The following NCK1 variants were observed in gnomAD, a reference collection of about 807,000 sequenced individuals.
NCK1 encodes the protein SH2/SH3 adapter protein NCK1.
NCK1 carries 19 observed loss-of-function variants against 36.6 expected under a neutral mutation model. The ratio of observed to expected loss-of-function variants is 0.52; its 90% CI spans 0.36 to 0.76. The LOEUF (loss-of-function observed/expected upper bound fraction) is 0.76. NCK1 is among the 30% of genes least tolerant of loss of function. The pLI, the probability that NCK1 is intolerant of heterozygous loss-of-function variation, is 0.00. For missense variants in NCK1, 358 were observed against 445.6 expected, an observed-to-expected ratio of 0.80 and a Z score of 1.77; for synonymous variants, 165 against 156.0, an observed-to-expected ratio of 1.06 and a Z score of -0.43.
chr3:136,944,339 C>G (rs889773953), intron 2 of NCK1, among the ~76,000 whole-genome samples: 3 of 151,708 alleles, frequency 2.0e-5, no homozygotes, highest in Non-Finnish European at 4.4e-5. Flanking sequence ...AGGATGGTCT[C>G]GATCTCTTGA....
At chr3:136,898,976 C>T (rs1043350108) in intron 1 of NCK1, 1 of 153,436 alleles carries the variant, frequency 6.5e-6, no homozygotes, top group Admixed American at 6.5e-5. Flanking sequence ...CTTTGTATTA[C>T]AATACCTGCC....
chr3:136,928,817 C>G (rs1940317178), intron 2 of NCK1: 1 of 139,242 alleles, frequency 7.2e-6, no homozygotes, highest in Non-Finnish European at 1.5e-5. Context: ...CTTGGCTAAG[C>G]TGATAGGAAG....
At chr3:136,913,664 TG>T (rs1939885735) in intron 1 of NCK1, among the ~76,000 whole-genome samples, 1 of 151,998 alleles carries the variant, frequency 6.6e-6, no homozygotes, top group South Asian at 2.1e-4. Context: ...TTTTGTTTTT[TG>T]TTTGTTTTGT....
intron 1 of NCK1, among the ~76,000 whole-genome samples, chr3:136,870,687 T>TAA (rs11332327): frequency 4.1e-5 from 5 of 123,376 alleles, no homozygotes; most frequent in African/African-American, 1.5e-4. Flanking sequence ...CTATAGTCTT[T>TAA]AAAAAAAAAA....
chr3:136,927,043 C>T (rs1373712546), intron 1 of NCK1, among the ~76,000 whole-genome samples: 2 of 152,178 alleles, frequency 1.3e-5, no homozygotes, highest in Admixed American at 1.3e-4. Context: ...ACGATCTTGG[C>T]TAACTGCAAC....
intron 1 of NCK1, among the ~76,000 whole-genome samples, chr3:136,871,765 C>T (rs544644115): frequency 3.9e-5 from 6 of 152,278 alleles, no homozygotes; most frequent in Admixed American, 3.3e-4. Flanking sequence ...GGTAATTGAA[C>T]CATGGGGGTG....
intron 1 of NCK1, among the ~76,000 whole-genome samples, chr3:136,869,675 C>T (rs115192548): frequency 6.6e-6 from 1 of 152,098 alleles, no homozygotes; most frequent in Admixed American, 6.6e-5. Flanking sequence ...TGTATGGTTG[C>T]TTTCGTATTT....
chr3:136,866,969 A>G (rs1938432217), intron 1 of NCK1, among the ~76,000 whole-genome samples: 1 of 152,102 alleles, frequency 6.6e-6, no homozygotes, highest in African/African-American at 2.4e-5. Context: ...TAGCAAATGA[A>G]GTAAAATTTG....
intron 1 of NCK1, among the ~76,000 whole-genome samples, chr3:136,888,027 C>T (rs1205217561): frequency 1.3e-5 from 2 of 151,888 alleles, no homozygotes; most frequent in East Asian, 3.9e-4. Flanking sequence ...TCACTGTAAC[C>T]TCCGACTCCT....
At chr3:136,902,198 T>TTTTTTTG (rs1939561830) in intron 1 of NCK1, among the ~76,000 whole-genome samples, 1 of 131,502 alleles carries the variant, frequency 7.6e-6, no homozygotes, top group Non-Finnish European at 1.6e-5. Context: ...TTTTTTTTTT[T>TTTTTTTG]TTTTGTTTTT....
In NCK1 at chr3:136,882,929, G is replaced by T. The variant is rs1197433472; in HGVS notation, c.-19+20576G>T. 2.0e-5 allele frequency among the ~76,000 whole-genome samples: 3 copies of T among 152,226 alleles called. No individual in the cohort carries two copies. The East Asian group carries it at 5.8e-4, about 29-fold the overall frequency. On this transcript the variant is annotated intron_variant, in intron 1 of 3. Coordinates refer to ENST00000481752, the MANE Select transcript of NCK1 (RefSeq NM_001291999.2). ...TCCTTGCTTAAAACCCTTATTACAT[G>T]ACTTTTTTAAAGACAGTCTCATTCT...
intron 3 of NCK1, among the ~76,000 whole-genome samples, chr3:136,946,665 A>G (rs1038530307): frequency 1.3e-5 from 1 of 79,118 alleles, no homozygotes; most frequent in Admixed American, 1.5e-4. Flanking sequence ...AAAAATTGCT[A>G]TTGGATGCAA....
At chr3:136,896,630 G>T (rs1178263546) in intron 1 of NCK1, among the ~76,000 whole-genome samples, 1 of 151,852 alleles carries the variant, frequency 6.6e-6, no homozygotes, top group African/African-American at 2.4e-5. Flanking sequence ...GAGTAGCCGG[G>T]ACCACAAGCA....
intron 2 of NCK1, among the ~76,000 whole-genome samples, chr3:136,942,146 G>A (rs1940695557): frequency 6.6e-6 from 1 of 152,086 alleles, no homozygotes; most frequent in Non-Finnish European, 1.5e-5. Flanking sequence ...CCTCTCTTTA[G>A]CATTTCTTAG....
chr3:136,890,684 A>G (rs1939218260), intron 1 of NCK1, among the ~76,000 whole-genome samples: 2 of 152,372 alleles, frequency 1.3e-5, no homozygotes, highest in South Asian at 4.1e-4. Flanking sequence ...TACGAGTAAT[A>G]TGGCTACTGG....
At chr3:136,908,812 A>G (rs1449871800) in intron 1 of NCK1, among the ~76,000 whole-genome samples, 2 of 152,360 alleles carry the variant, frequency 1.3e-5, no homozygotes, top group South Asian at 4.1e-4. Flanking sequence ...TAAGACCATT[A>G]CAAGAGAATT....
chr3:136,878,130 C>T (rs936118827), intron 1 of NCK1, among the ~76,000 whole-genome samples: 10 of 152,074 alleles, frequency 6.6e-5, no homozygotes, highest in African/African-American at 1.4e-4. Flanking sequence ...CTAAGTAGGC[C>T]GGACATGGTG....
At chr3:136,923,510 G>A (rs921666701) in intron 1 of NCK1, among the ~76,000 whole-genome samples, 12 of 151,826 alleles carry the variant, frequency 7.9e-5, no homozygotes, top group Non-Finnish European at 1.5e-4. Flanking sequence ...AGCCAGGGTC[G>A]CTCCACTGCA....
chr3:136,878,667 G>A lies in NCK1; in HGVS notation c.-19+16314G>A, dbSNP rs796480317. On this transcript the variant is annotated intron_variant, in intron 1 of 3. Transcript: ENST00000481752. ...AAACATTGAATTGTATACTTTAAAT[G>A]AGTGAGTTTTATGATAATCTGAGTT... Among the ~76,000 whole-genome samples the A allele has an allele frequency of 3.7e-4, 56 of 151,362 alleles. 1 individual carries two copies. Among genetic ancestry groups the A allele is most frequent in the African/African-American group, 1.3e-3 (55 of 41,262 alleles).
Sources: gnomAD v4.1 joint callset for allele counts (sites outside exome capture counted in the v4.1 genomes callset) on GRCh38, gnomAD v4.1.1 for gene constraint, MANE v1.5 for transcripts, NCBI Gene and HGNC (gene_info 2026-07-23, HGNC 2026-07-21) for gene names.